PRKAG2: variants seen among roughly 807,000 people sequenced by gnomAD.
The protein encoded by PRKAG2 is 5'-AMP-activated protein kinase subunit gamma-2.
PRKAG2 carries 26 observed loss-of-function variants against 69.6 expected under a neutral mutation model. The ratio of observed to expected loss-of-function variants is 0.37; its 90% CI spans 0.27 to 0.52. The LOEUF is 0.52. PRKAG2 is among the 20% of genes least tolerant of loss of function. The pLI, the probability that PRKAG2 is intolerant of heterozygous loss-of-function variation, is 0.90. For synonymous variants in PRKAG2, 293 were observed against 285.0 expected (o/e 1.03, Z -0.28); for missense variants, 557 against 740.0 (o/e 0.75, Z 2.87).
chr7:151,578,491 T>C (rs1269234835), intron 6 of PRKAG2, among the ~76,000 whole-genome samples: 1 of 152,226 alleles, frequency 6.6e-6, no homozygotes, highest in Admixed American at 6.5e-5. Context: ...TATTTTGCCT[T>C]ATGTGGAACT....
intron 4 of PRKAG2, among the ~76,000 whole-genome samples, chr7:151,650,831 A>G (rs1828376062): frequency 6.6e-6 from 1 of 152,142 alleles, no homozygotes; most frequent in African/African-American, 2.4e-5. Flanking sequence ...TCAGCTCTTG[A>G]GTATGTGTCT....
chr7:151,811,638 G>C (rs747776610), intron 1 of PRKAG2, among the ~76,000 whole-genome samples: 1 of 152,270 alleles, frequency 6.6e-6, no homozygotes, highest in Non-Finnish European at 1.5e-5. Context: ...AAAGCTGACA[G>C]GTGTGCAGGG....
At chr7:151,656,135 A>T (rs1160330306) in intron 4 of PRKAG2, among the ~76,000 whole-genome samples, 3 of 152,240 alleles carry the variant, frequency 2.0e-5, no homozygotes, top group Non-Finnish European at 4.4e-5. Flanking sequence ...TTATAAGTAC[A>T]TATTCATTTA....
chr7:151,635,991 C>T (rs1050525179), intron 4 of PRKAG2, among the ~76,000 whole-genome samples: 13 of 151,922 alleles, frequency 8.6e-5, no homozygotes, highest in African/African-American at 2.7e-4. Context: ...CCTTAGCCTC[C>T]GGAGTAGCTA....
chr7:151,657,413 T>C (rs185782246), intron 4 of PRKAG2, among the ~76,000 whole-genome samples: 78 of 152,242 alleles, frequency 5.1e-4, no homozygotes, highest in African/African-American at 1.8e-3. Context: ...GTGTGCCTGG[T>C]ATAGGTCTTG....
At chr7:151,586,037 G>A (rs1156323001) in intron 6 of PRKAG2, among the ~76,000 whole-genome samples, 1 of 152,236 alleles carries the variant, frequency 6.6e-6, no homozygotes, top group African/African-American at 2.4e-5. Flanking sequence ...CTGGGCTGAG[G>A]GCCGTCCCAC....
chr7:151,781,783 G>A lies in PRKAG2; in HGVS notation c.187-352C>T, dbSNP rs528321179. Among the ~76,000 whole-genome samples the A allele has an allele frequency of 3.9e-5, 6 of 152,250 alleles. No homozygotes were observed. The South Asian group carries it at 1.2e-3, about 32-fold the overall frequency. On this transcript the variant is annotated intron_variant, in intron 2 of 15. Transcript: ENST00000287878. The surrounding 1 kb of genome is among the most constrained non-coding windows in gnomAD (Gnocchi z 6.1). ...GGGCCTGCCTGCCTTCACCTCTCAA[G>A]ACCTCACGTCCATCCAAGTTCTGAC...
Position 151,800,171 on chromosome 7 carries a change from C to A in PRKAG2, c.115-13630G>T, listed in dbSNP as rs958678782. The stretch of plus-strand genomic sequence containing the variant: ...AGGAGATCGAGACCATCCTGGCTAA[C>A]ATGGTGAAACCCTGTCTCTACTAAA... On this transcript the variant is annotated intron_variant, in intron 1 of 15. Transcript: ENST00000287878. Among the ~76,000 whole-genome samples the A allele has an allele frequency of 7.9e-5, 12 of 152,032 alleles. 1 individual carries two copies. Among genetic ancestry groups the A allele is most frequent in the African/African-American group, 1.4e-4 (6 of 41,460 alleles).
chr7:151,596,472 G>A (rs970141870), intron 5 of PRKAG2, among the ~76,000 whole-genome samples: 1 of 152,196 alleles, frequency 6.6e-6, no homozygotes, highest in African/African-American at 2.4e-5. Context: ...AAGCAGACCA[G>A]GTGTGGTAGC....
chr7:151,651,319 A>G (rs1828458599), intron 4 of PRKAG2, among the ~76,000 whole-genome samples: 1 of 152,204 alleles, frequency 6.6e-6, no homozygotes, highest in Non-Finnish European at 1.5e-5. Flanking sequence ...TCGAAATACA[A>G]GATAGGGCTG....
At chr7:151,687,261 C>A (rs945876335) in intron 3 of PRKAG2, among the ~76,000 whole-genome samples, 1 of 152,168 alleles carries the variant, frequency 6.6e-6, no homozygotes, top group Non-Finnish European at 1.5e-5. Flanking sequence ...CAAAACGTAA[C>A]CCTAGATACT....
intron 3 of PRKAG2, among the ~76,000 whole-genome samples, chr7:151,698,101 C>A (rs998897955): frequency 6.6e-6 from 1 of 152,222 alleles, no homozygotes; most frequent in African/African-American, 2.4e-5. Flanking sequence ...CCTGTGGGCA[C>A]TGGGGCTTCC....
intron 4 of PRKAG2, among the ~76,000 whole-genome samples, chr7:151,655,069 C>T (rs1276118185): frequency 6.6e-6 from 1 of 152,128 alleles, no homozygotes; most frequent in Non-Finnish European, 1.5e-5. Flanking sequence ...ACTCAAATGA[C>T]AAGTATTACT....
rs1201286676 is a variant in PRKAG2 at position 151,632,648 on chromosome 7, G to T, written c.685-510C>A. 8.2e-6 allele frequency: 8 copies of T among 979,930 alleles called. No homozygotes were observed. Among genetic ancestry groups the T allele is most frequent in the Non-Finnish European group, 9.7e-6 (8 of 825,262 alleles). 60.7% of individuals were successfully genotyped at this position (979,930 alleles called of 1,614,324 possible). On this transcript the variant is annotated intron_variant, in intron 4 of 15. Coordinates refer to ENST00000287878, the MANE Select transcript of PRKAG2 (RefSeq NM_016203.4). This position sits in a 1 kb window ranked among gnomAD's most constrained non-coding sequence, Gnocchi z 4.2. ...CTCCGCGGCGCGGGGAGGGGGAGAG[G>T]GGCTGGAGGCTGCAGAACGCCCCGG...
chr7:151,867,985 C>T (rs921653897), intron 1 of PRKAG2, among the ~76,000 whole-genome samples: 1 of 152,210 alleles, frequency 6.6e-6, no homozygotes, highest in South Asian at 2.1e-4. Flanking sequence ...CCCTCCAGGA[C>T]CAGGCCTTTG....
rs866635397 is a variant in PRKAG2 at position 151,719,226 on chromosome 7, C to T, written c.467-43589G>A. ...TGGCAGAAGGGAGAGAGGTCCTGCC[C>T]CACTCCCGGTCTCTGCAACATGCTT... On this transcript the variant is annotated intron_variant, in intron 3 of 15. Transcript: ENST00000287878. The surrounding 1 kb of genome is among the most constrained non-coding windows in gnomAD (Gnocchi z 5.2). Among the ~76,000 whole-genome samples the T allele has an allele frequency of 1.4e-3, 207 of 152,294 alleles. 1 individual carries two copies. The highest frequency in any genetic ancestry group is 4.7e-3 in the African/African-American group (194 of 41,572).
chr7:151,745,520 T>A (rs1258062691), intron 3 of PRKAG2, among the ~76,000 whole-genome samples: 1 of 152,082 alleles, frequency 6.6e-6, no homozygotes, highest in Non-Finnish European at 1.5e-5. Flanking sequence ...ACACTCATGG[T>A]CATGCACAGC....
Position 151,852,946 on chromosome 7 carries a change from G to A in PRKAG2, c.114+23561C>T, listed in dbSNP as rs954832761. 5.3e-5 allele frequency among the ~76,000 whole-genome samples: 8 copies of A among 152,286 alleles called. 1 individual carries two copies. Among genetic ancestry groups the A allele is most frequent in the African/African-American group, 1.2e-4 (5 of 41,544 alleles). The stretch of plus-strand genomic sequence containing the variant: ...CCACCTGGCAGGGCCGCAGCTCAAC[G>A]GGCAACCCCAGGACTGGCTGTTGCA... On this transcript the variant is annotated intron_variant, in intron 1 of 15. Coordinates refer to ENST00000287878, the MANE Select transcript of PRKAG2 (RefSeq NM_016203.4).
intron 3 of PRKAG2, among the ~76,000 whole-genome samples, chr7:151,768,999 T>C (rs114951686): frequency 0.014 from 2,179 of 152,332 alleles, 53 homozygotes; most frequent in African/African-American, 0.049. Flanking sequence ...CCCCCTGAGA[T>C]GCTCCAAAGC....
Sources: gnomAD v4.1 joint callset for allele counts (sites outside exome capture counted in the v4.1 genomes callset) on GRCh38, gnomAD v4.1.1 for gene constraint, Gnocchi (gnomAD v3.1) non-coding constraint, MANE v1.5 for transcripts, NCBI Gene and HGNC (gene_info 2026-07-23, HGNC 2026-07-21) for gene names.